COL22A1: variants seen among roughly 807,000 people sequenced by gnomAD.
COL22A1 encodes collagen alpha-1(XXII) chain.
COL22A1 carries 221 observed loss-of-function variants against 248.9 expected under a neutral mutation model. The observed-to-expected ratio is 0.89, with a 90% CI of 0.80 to 0.99. The LOEUF (loss-of-function observed/expected upper bound fraction) is 0.99. Ranked by LOEUF, COL22A1 falls within the 50% of genes least tolerant of loss-of-function variation. COL22A1 has a pLI of 0.00. For missense variants in COL22A1, 2,240 were observed against 2,179.0 expected, an observed-to-expected ratio of 1.03 and a Z score of -0.56; for synonymous variants, 891 against 793.4, an observed-to-expected ratio of 1.12 and a Z score of -2.07.
chr8:138,682,774 A>T (rs1290184965), intron 39 of COL22A1, among the ~76,000 whole-genome samples: 6 of 152,154 alleles, frequency 3.9e-5, no homozygotes, highest in Non-Finnish European at 7.3e-5. Context: ...ATCTCAGCTC[A>T]CTGCAACCTC....
intron 27 of COL22A1, among the ~76,000 whole-genome samples, chr8:138,719,002 T>C (rs1829659720): frequency 6.6e-6 from 1 of 152,184 alleles, no homozygotes. Flanking sequence ...AATAGAAAGG[T>C]GGGGTTCATA....
At chr8:138,668,672 G>A (rs7840408) in intron 41 of COL22A1, among the ~76,000 whole-genome samples, 10,931 of 152,164 alleles carry the variant, frequency 0.072, 421 homozygotes, top group Non-Finnish European at 0.074. Flanking sequence ...TTTATTCTCC[G>A]TAATCTTTGA....
intron 16 of COL22A1, among the ~76,000 whole-genome samples, chr8:138,774,646 C>T (rs1410189589): frequency 6.6e-6 from 1 of 152,102 alleles, no homozygotes; most frequent in Non-Finnish European, 1.5e-5. Context: ...GTCTCAATCT[C>T]CTGACCTCGT....
At chr8:138,839,019 G>C (rs578053216) in intron 4 of COL22A1, among the ~76,000 whole-genome samples, 2 of 152,238 alleles carry the variant, frequency 1.3e-5, no homozygotes, top group South Asian at 4.1e-4. Context: ...CCATGGGTCT[G>C]GGTAAGATGC....
intron 30 of COL22A1, among the ~76,000 whole-genome samples, chr8:138,712,975 A>T (rs543175607): frequency 4.6e-4 from 70 of 152,278 alleles, no homozygotes; most frequent in African/African-American, 1.6e-3. Context: ...GAGCAAATGG[A>T]CGTATCTTTG....
chr8:138,892,892 G>A (rs1239766300), intron 1 of COL22A1, among the ~76,000 whole-genome samples: 1 of 152,244 alleles, frequency 6.6e-6, no homozygotes, highest in Non-Finnish European at 1.5e-5. Flanking sequence ...AGGCACTGCT[G>A]ATGTGTTGCT....
At chr8:138,809,528 C>CTTGTTTTTTTTTTTTTTTTT (rs1818013838) in intron 9 of COL22A1, among the ~76,000 whole-genome samples, 1 of 117,630 alleles carries the variant, frequency 8.5e-6, no homozygotes, top group Non-Finnish European at 1.8e-5. Flanking sequence ...TTTTCTTTTT[C>CTTGTTTTTTTTTTTTTTTTT]TTTTTTTTTT....
chr8:138,661,609 A>G (rs1162089393), intron 43 of COL22A1, among the ~76,000 whole-genome samples: 1 of 152,216 alleles, frequency 6.6e-6, no homozygotes, highest in African/African-American at 2.4e-5. Flanking sequence ...GTGGGAAGGA[A>G]CACATCCTCA....
chr8:138,687,590 G>T (rs1475521955), intron 37 of COL22A1, among the ~76,000 whole-genome samples: 1 of 152,208 alleles, frequency 6.6e-6, no homozygotes, highest in Admixed American at 6.5e-5. Flanking sequence ...ATACTAGTGT[G>T]ATCTGCTCAC....
rs766606957 is a variant in COL22A1, at chr8:138,685,219, C to A, written c.2956G>T (p.Asp986Tyr). 6.2e-7 allele frequency: 1 copy of A among 1,611,994 alleles called. No homozygotes were observed. The highest frequency in any genetic ancestry group is 8.5e-7 in the Non-Finnish European group (1 of 1,178,376). ...GLPGPPGKGK[D>Y]GEPGLRGSPG... Reference sequence around the variant, plus strand: ...GACCTTCCACTTACCGGCTCTCCATCCTTCCCTTTTCCGGGTGGCCCAGGG... The same window carrying A: ...GACCTTCCACTTACCGGCTCTCCATACTTCCCTTTTCCGGGTGGCCCAGGG... The change falls in exon 38 of 65, where the codon GAT (aspartate) becomes TAT (tyrosine). Residue 986 changes from aspartate (D) to tyrosine (Y), a missense_variant. Asp to Tyr is a radical substitution (Grantham distance 160). Coordinates refer to ENST00000303045, the MANE Select transcript of COL22A1 (RefSeq NM_152888.3).
At chr8:138,753,722 G>T (rs1265009707) in intron 21 of COL22A1, among the ~76,000 whole-genome samples, 2 of 152,132 alleles carry the variant, frequency 1.3e-5, no homozygotes, top group African/African-American at 4.8e-5. Context: ...CTTGATATAA[G>T]GTAGGTGGTC....
At chr8:138,784,223 G>C (rs1051304036) in intron 12 of COL22A1, among the ~76,000 whole-genome samples, 4 of 152,362 alleles carry the variant, frequency 2.6e-5, no homozygotes, top group African/African-American at 9.6e-5. Context: ...GCTCATTCCA[G>C]GATACCTGTC....
chr8:138,590,089 A>G (rs1037142977), intron 64 of COL22A1, among the ~76,000 whole-genome samples: 9 of 152,024 alleles, frequency 5.9e-5, no homozygotes, highest in Non-Finnish European at 1.5e-5. Context: ...CTATCCTTTC[A>G]CTTAGTAAGC....
chr8:138,849,947 GCT>G (rs1439679680), intron 3 of COL22A1, among the ~76,000 whole-genome samples: 2 of 152,122 alleles, frequency 1.3e-5, no homozygotes, highest in African/African-American at 2.4e-5. Context: ...TTACACACAG[GCT>G]CTCTTTTAAT....
At chr8:138,826,587 G>A in intron 6 of COL22A1, 71 bp downstream of exon 6, 1 of 1,516,654 alleles carries the variant, frequency 6.6e-7, no homozygotes, top group South Asian at 1.1e-5. Flanking sequence ...AACATGGTGG[G>A]TGGTGCCATC....
intron 57 of COL22A1, among the ~76,000 whole-genome samples, chr8:138,607,725 T>C (rs1818533529): frequency 6.6e-6 from 1 of 152,186 alleles, no homozygotes; most frequent in Admixed American, 6.5e-5. Flanking sequence ...CCTACGGTTA[T>C]AGTCAACAAA....
rs183143738 is a variant in COL22A1 at position 138,756,838 on chromosome 8, C to T, written c.1903-1009G>A. Among the ~76,000 whole-genome samples the T allele has an allele frequency of 7.9e-5, 12 of 152,216 alleles. No homozygotes were observed. The South Asian group carries it at 1.9e-3, about 24-fold the overall frequency. On this transcript the variant is annotated intron_variant, in intron 18 of 64. Coordinates refer to ENST00000303045, the MANE Select transcript of COL22A1 (RefSeq NM_152888.3). ...CAATGCCCTGTCTCCCATCCCTGCC[C>T]GAGACCTGGAAAAATCACCTCACTT...
rs753011173 is a variant in COL22A1 at position 138,751,464 on chromosome 8, A to G, written c.2079T>C (p.Gly693=). ...GAAAAGAGAGTTTACTTACTCGGAG[A>G]CCTTGCAAACCAGGAGGTCCATCCC... The part of the protein sequence containing the change: ...EGRDGPPGLQ[G]LRGKKGDMGP... Residue 693 remains glycine (G), a synonymous_variant, in exon 22 of 65, where the codon GGT becomes GGC. Transcript: ENST00000303045. 6.2e-7 allele frequency: 1 copy of G among 1,610,970 alleles called. No homozygotes were observed. Among genetic ancestry groups the G allele is most frequent in the Admixed American group, 1.7e-5 (1 of 59,698 alleles).
At chr8:138,787,202 T>C (rs1479632078) in intron 12 of COL22A1, among the ~76,000 whole-genome samples, 1 of 151,684 alleles carries the variant, frequency 6.6e-6, no homozygotes, top group Non-Finnish European at 1.5e-5. Flanking sequence ...ATTGATAACG[T>C]CAGGCATAGA....
Sources: gnomAD v4.1 joint callset for allele counts (sites outside exome capture counted in the v4.1 genomes callset) on GRCh38, gnomAD v4.1.1 for gene constraint, MANE v1.5 for transcripts, NCBI Gene and HGNC (gene_info 2026-07-23, HGNC 2026-07-21) for gene names.